The following TIA1 variants were observed in gnomAD, a reference collection of about 807,000 sequenced individuals.
TIA1 encodes the protein TIA1 cytotoxic granule associated RNA binding protein.
TIA1 carries 23 observed loss-of-function variants against 65.9 expected under a neutral mutation model. The ratio of observed to expected loss-of-function variants is 0.35; its 90% CI spans 0.25 to 0.49. TIA1 has a LOEUF of 0.49. TIA1 is among the 20% of genes least tolerant of loss of function. The pLI is 0.98. For missense variants in TIA1, 371 were observed against 477.9 expected, an observed-to-expected ratio of 0.78 and a Z score of 2.09; for synonymous variants, 147 against 149.4, an observed-to-expected ratio of 0.98 and a Z score of 0.12.
chr2:70,245,512 A>G (rs1693893786), intron 1 of TIA1, among the ~76,000 whole-genome samples: 1 of 152,202 alleles, frequency 6.6e-6, no homozygotes, highest in African/African-American at 2.4e-5. Flanking sequence ...CACAAGTTGA[A>G]TATTTTTAAA....
intron 6 of TIA1, chr2:70,224,930 C>T (rs1429592244): frequency 2.4e-5 from 26 of 1,105,500 alleles, no homozygotes; most frequent in Non-Finnish European, 2.8e-5. Flanking sequence ...CTCACATGAA[C>T]TACTTAACCA....
chr2:70,248,646 G>A (rs1488128958), upstream of TIA1: 2 of 648,848 alleles, frequency 3.1e-6, no homozygotes, highest in South Asian at 2.0e-5. Context: ...GAGCCTAGGA[G>A]CAGCCAGCAA....
intron 7 of TIA1, among the ~76,000 whole-genome samples, chr2:70,222,134 A>G (rs1385502114): frequency 7.1e-6 from 1 of 141,448 alleles, no homozygotes; most frequent in Admixed American, 6.9e-5. Flanking sequence ...CAAAAACAAA[A>G]CAAAACAAAC....
intron 2 of TIA1, 147 bp downstream of exon 2, chr2:70,235,932 G>T: frequency 2.2e-6 from 1 of 457,442 alleles, no homozygotes; most frequent in Non-Finnish European, 3.8e-6. Flanking sequence ...TTAGAATATG[G>T]TAAACTAAGA....
rs1439074176 is a variant in TIA1, at chr2:70,212,662, G to A, written c.*57C>T. On this transcript the variant is annotated 3_prime_UTR_variant, in exon 13 of 13. Transcript: ENST00000433529. ...TTGATAAATCTTTAAGTAAACAACGGCTTTACTACACTCCCTGTAGCCTCA... is the reference window on the plus strand; with the variant it reads ...TTGATAAATCTTTAAGTAAACAACGACTTTACTACACTCCCTGTAGCCTCA... The A allele has an allele frequency of 6.8e-6, 7 of 1,034,346 alleles. No individual in the cohort carries two copies. In the East Asian group the frequency reaches 1.4e-4, roughly 21 times the overall value. The allele number at this position is 1,034,346 out of a possible 1,614,324, so 64.1% of individuals were successfully genotyped here. A position where few individuals can be genotyped will look rare whatever the true frequency, so the allele number is the denominator to read the frequency against.
intron 7 of TIA1, among the ~76,000 whole-genome samples, chr2:70,222,913 C>CA (rs926884956): frequency 6.0e-5 from 9 of 148,856 alleles, no homozygotes; most frequent in Non-Finnish European, 8.9e-5. Flanking sequence ...AACTCCGTCT[C>CA]AAAAAAAAAA....
At chr2:70,217,083 C>T in intron 7 of TIA1, 89 bp from the exon 8 acceptor site, 1 of 1,355,114 alleles carries the variant, frequency 7.4e-7, no homozygotes, top group South Asian at 1.8e-5. Flanking sequence ...TGGTGCTTTT[C>T]ACAAATGTTT....
intron 1 of TIA1, among the ~76,000 whole-genome samples, chr2:70,245,710 T>C (rs887124775): frequency 6.6e-6 from 1 of 152,210 alleles, no homozygotes; most frequent in Admixed American, 6.5e-5. Flanking sequence ...GGGAAGTTTG[T>C]CTCAGAATAT....
chr2:70,217,200 C>G, intron 7 of TIA1: 1 of 354,806 alleles, frequency 2.8e-6, no homozygotes, highest in Non-Finnish European at 4.7e-6. Flanking sequence ...CAGATAGAGT[C>G]TCGCTCTGTC....
chr2:70,217,054 C>G (rs1678909059), intron 7 of TIA1, 60 bp from the exon 8 acceptor site: 2 of 1,488,774 alleles, frequency 1.3e-6, no homozygotes, highest in African/African-American at 1.4e-5. Context: ...TTAAACAACT[C>G]TTAGCAGTAG....
At chr2:70,222,908 C>T (rs1449878346) in intron 7 of TIA1, among the ~76,000 whole-genome samples, 7 of 151,482 alleles carry the variant, frequency 4.6e-5, no homozygotes, top group Admixed American at 6.6e-5. Flanking sequence ...AGCGAAACTC[C>T]GTCTCAAAAA....
chr2:70,224,495 C>T (rs769632515), intron 7 of TIA1, 59 bp downstream of exon 7: 47 of 1,604,128 alleles, frequency 2.9e-5, no homozygotes, highest in East Asian at 2.9e-4. Flanking sequence ...GTAATTAAAA[C>T]GGAGTGTTTC....
At position 70,244,468 on chromosome 2, in the gene TIA1, ATTC is replaced by A. The variant is rs1016806688; in HGVS notation, c.26+3934_26+3936del. 2.0e-5 allele frequency among the ~76,000 whole-genome samples: 3 copies of A among 152,212 alleles called. No individual in the cohort carries two copies. The South Asian group carries it at 6.2e-4, about 31-fold the overall frequency. On this transcript the variant is annotated intron_variant, in intron 1 of 12. Transcript: ENST00000433529. ...TGAGTGAATGTAATGTTTCTAGCAT[ATTC>A]TTAATTACTAGCAGTTATTTGGAAA...
At chr2:70,217,882 T>C (rs1297956220) in intron 7 of TIA1, among the ~76,000 whole-genome samples, 1 of 152,172 alleles carries the variant, frequency 6.6e-6, no homozygotes, top group Non-Finnish European at 1.5e-5. Context: ...CCTAATGAGG[T>C]AGATATCATA....
intron 1 of TIA1, 21 bp from the exon 2 acceptor site, chr2:70,236,196 A>C: frequency 1.3e-6 from 2 of 1,495,532 alleles, no homozygotes; most frequent in Non-Finnish European, 1.8e-6. Flanking sequence ...AAGAGAAACA[A>C]TTTACCTTTT....
In TIA1 at chr2:70,248,413, G is replaced by A. The variant is rs1020288909; in HGVS notation, c.18C>T (p.Pro6=). The A allele has an allele frequency of 6.2e-7, 1 of 1,600,514 alleles. No homozygotes were observed. Among genetic ancestry groups the A allele is most frequent in the Admixed American group, 1.7e-5 (1 of 60,016 alleles). The part of the protein sequence containing the change: MEDEM[P]KTLYVGNLSR... ...CGCTGCCCCAGACTCACAGAGTCTT[G>A]GGCATCTCGTCCTCCATGGCTGCTG... The change falls in exon 1 of 13, where the codon CCC becomes CCT. Residue 6 remains proline (P), a synonymous_variant. Transcript: ENST00000433529.
intron 1 of TIA1, among the ~76,000 whole-genome samples, chr2:70,247,812 G>C (rs1255781819): frequency 6.6e-6 from 1 of 152,092 alleles, no homozygotes; most frequent in Admixed American, 6.6e-5. Context: ...TTTTTGGTCG[G>C]TGGGTGCTAC....
intron 1 of TIA1, among the ~76,000 whole-genome samples, chr2:70,247,582 G>C (rs1221640799): frequency 6.6e-6 from 1 of 152,122 alleles, no homozygotes; most frequent in Non-Finnish European, 1.5e-5. Flanking sequence ...ACGCAGTTGG[G>C]GAAGCCACAC....
At chr2:70,233,042 T>C (rs1687209807) in intron 2 of TIA1, among the ~76,000 whole-genome samples, 1 of 152,186 alleles carries the variant, frequency 6.6e-6, no homozygotes, top group Admixed American at 6.5e-5. Flanking sequence ...ATTCTTTCCA[T>C]AGCCTCCTAA....
Sources: gnomAD v4.1 joint callset for allele counts (sites outside exome capture counted in the v4.1 genomes callset) on GRCh38, gnomAD v4.1.1 for gene constraint, MANE v1.5 for transcripts, NCBI Gene and HGNC (gene_info 2026-07-23, HGNC 2026-07-21) for gene names.